Variants in WDPCP observed in about 807,000 individuals in gnomAD.
The protein encoded by WDPCP is WD repeat containing planar cell polarity effector, also known as WD repeat-containing and planar cell polarity effector protein fritz homolog.
WDPCP carries 71 observed loss-of-function variants against 93.1 expected under a neutral mutation model. The observed-to-expected ratio is 0.76, with a 90% CI of 0.63 to 0.93. The LOEUF (loss-of-function observed/expected upper bound fraction) is 0.93, where lower values mean the gene tolerates loss of function less well. Ranked by LOEUF, WDPCP falls within the 40% of genes least tolerant of loss-of-function variation. The pLI is 0.00. For synonymous variants in WDPCP, 315 were observed against 315.0 expected (o/e 1.00, Z 0.00); for missense variants, 844 against 887.4 (o/e 0.95, Z 0.62).
chr2:63,254,818 C>G (rs551213355), intron 14 of WDPCP, among the ~76,000 whole-genome samples: 30 of 152,146 alleles, frequency 2.0e-4, no homozygotes. Flanking sequence ...ATCTAGATAT[C>G]AAAACTAGGC....
chr2:63,785,508 T>C (rs1670454406), intron 2 of WDPCP, among the ~76,000 whole-genome samples: 1 of 152,174 alleles, frequency 6.6e-6, no homozygotes, highest in Admixed American at 6.6e-5. Context: ...GCTTTAATAT[T>C]TATAAAGTTT....
chr2:63,593,983 G>A (rs74339869), intron 3 of WDPCP, among the ~76,000 whole-genome samples: 4,979 of 152,148 alleles, frequency 0.033, 140 homozygotes, highest in Non-Finnish European at 0.048. Context: ...TGTTTCTCCC[G>A]AAATAAAAAA....
intron 1 of WDPCP, among the ~76,000 whole-genome samples, chr2:63,545,343 G>C (rs558895138): frequency 6.6e-6 from 1 of 151,510 alleles, no homozygotes; most frequent in South Asian, 2.1e-4. Flanking sequence ...GTGTGAGAGA[G>C]AGAGAGAGAC....
chr2:63,214,299 G>A (rs1222525359), intron 14 of WDPCP, among the ~76,000 whole-genome samples: 2 of 152,144 alleles, frequency 1.3e-5, no homozygotes, highest in Non-Finnish European at 2.9e-5. Context: ...TCATCCCTGG[G>A]ATGCAAGGCT....
upstream of WDPCP, chr2:63,590,162 C>T (rs1337005579): frequency 3.3e-5 from 5 of 152,136 alleles, no homozygotes; most frequent in African/African-American, 1.2e-4. Context: ...TAGTTTCTGT[C>T]CTAATAACCT....
At chr2:63,630,342 A>C (rs1250230536) in intron 3 of WDPCP, among the ~76,000 whole-genome samples, 1 of 152,230 alleles carries the variant, frequency 6.6e-6, no homozygotes, top group Non-Finnish European at 1.5e-5. Context: ...GACAGATTGA[A>C]AGAAGGGATT....
intron 1 of WDPCP, 98 bp downstream of exon 1, chr2:63,588,099 A>G: frequency 2.8e-6 from 4 of 1,421,406 alleles, no homozygotes; most frequent in Non-Finnish European, 3.9e-6. Context: ...GCTTGCAGGC[A>G]TCCGCACAGC....
At chr2:63,447,474 A>G (rs1430863550) in intron 6 of WDPCP, among the ~76,000 whole-genome samples, 2 of 152,178 alleles carry the variant, frequency 1.3e-5, no homozygotes, top group East Asian at 1.9e-4. Context: ...AAGAGATGCT[A>G]GAAATGTGTT....
At chr2:63,734,935 A>C (rs1366693269) in intron 2 of WDPCP, among the ~76,000 whole-genome samples, 4 of 152,184 alleles carry the variant, frequency 2.6e-5, no homozygotes, top group African/African-American at 2.4e-5. Context: ...CAGATGAAGA[A>C]ATTTCCCACT....
intron 1 of WDPCP, among the ~76,000 whole-genome samples, chr2:63,529,316 GT>G (rs940376107): frequency 2.2e-4 from 34 of 152,306 alleles, no homozygotes; most frequent in Admixed American, 2.2e-3. Context: ...AATGCTTCCA[GT>G]TTTTGCCCAT....
chr2:63,748,729 C>A (rs538544869), intron 2 of WDPCP, among the ~76,000 whole-genome samples: 4 of 151,970 alleles, frequency 2.6e-5, no homozygotes, highest in African/African-American at 9.7e-5. Context: ...GGACATATTC[C>A]TTGTAGCTCT....
chr2:63,281,027 AGC>A (rs771446209), intron 13 of WDPCP, among the ~76,000 whole-genome samples: 1 of 152,198 alleles, frequency 6.6e-6, no homozygotes, highest in Non-Finnish European at 1.5e-5. Context: ...AGAAATAATC[AGC>A]AGAGTTAACA....
intron 12 of WDPCP, among the ~76,000 whole-genome samples, chr2:63,327,923 T>G (rs1466280893): frequency 6.6e-6 from 1 of 152,134 alleles, no homozygotes; most frequent in South Asian, 2.1e-4. Flanking sequence ...TCCACTGGCC[T>G]AAAGAGTTCC....
chr2:63,181,783 T>G (rs1018811741), intron 14 of WDPCP, among the ~76,000 whole-genome samples: 17 of 151,968 alleles, frequency 1.1e-4, no homozygotes, highest in African/African-American at 4.1e-4. Context: ...GTATGGTTTT[T>G]TTTTAATGAT....
chr2:63,449,806 T>A (rs934571152), intron 6 of WDPCP, among the ~76,000 whole-genome samples: 2 of 152,002 alleles, frequency 1.3e-5, no homozygotes, highest in Non-Finnish European at 2.9e-5. Context: ...TGGGCACCAT[T>A]ACACAGCTGT....
chr2:63,465,137 A>T (rs933543158), intron 6 of WDPCP, among the ~76,000 whole-genome samples: 2 of 151,426 alleles, frequency 1.3e-5, no homozygotes, highest in African/African-American at 2.4e-5. Context: ...TTTATTTATT[A>T]TTTATTTATT....
intron 12 of WDPCP, among the ~76,000 whole-genome samples, chr2:63,355,607 C>T (rs560621831): frequency 3.3e-5 from 5 of 152,248 alleles, no homozygotes; most frequent in South Asian, 4.2e-4. Flanking sequence ...CAGCCAGGCA[C>T]GGTGGCTCAT....
Position 63,313,409 on chromosome 2 carries a change from C to T in WDPCP, c.1749-98G>A, listed in dbSNP as rs767546338. On this transcript the variant is annotated intron_variant, in intron 12 of 17. Coordinates refer to ENST00000272321, the MANE Select transcript of WDPCP (RefSeq NM_015910.7). ...ATATATCTGTGATACTGTTTTTGTC[C>T]TTCTGATTGGAAAAATATTTTCAAA... 34 of 1,207,448 alleles carry T rather than the reference C, an allele frequency of 2.8e-5. No homozygotes were observed. The Middle Eastern group carries it at 7.8e-4, about 28-fold the overall frequency. 74.8% of individuals were successfully genotyped at this position (1,207,448 alleles called of 1,614,324 possible).
At chr2:63,799,811 TA>T (rs1395685926) in intron 2 of WDPCP, among the ~76,000 whole-genome samples, 4 of 152,168 alleles carry the variant, frequency 2.6e-5, no homozygotes, top group Non-Finnish European at 5.9e-5. Context: ...TGTTGGTCAG[TA>T]AAGTTTTCAT....
Sources: gnomAD v4.1 joint callset for allele counts (sites outside exome capture counted in the v4.1 genomes callset) on GRCh38, gnomAD v4.1.1 for gene constraint, MANE v1.5 for transcripts, NCBI Gene and HGNC (gene_info 2026-07-23, HGNC 2026-07-21) for gene names.